AP3S1: variants seen among roughly 807,000 people sequenced by gnomAD.
The protein encoded by AP3S1 is AP-3 complex subunit sigma-1.
Under a neutral mutation model 21.3 loss-of-function variants are expected in AP3S1, and 12 were observed. That is an observed-to-expected ratio of 0.56 (90% CI 0.36 to 0.91). AP3S1 has a LOEUF of 0.91. AP3S1 is among the 40% of genes least tolerant of loss of function. AP3S1 has a pLI of 0.01. For synonymous variants in AP3S1, 48 were observed against 78.4 expected (o/e 0.61, Z 2.05); for missense variants, 116 against 225.0 (o/e 0.52, Z 3.10).
chr5:115,886,948 T>G (rs1749838910), intron 3 of AP3S1, among the ~76,000 whole-genome samples: 1 of 152,204 alleles, frequency 6.6e-6, no homozygotes, highest in South Asian at 2.1e-4. Context: ...AACATTGTCA[T>G]CACTGGCATG....
Position 115,881,337 on chromosome 5 carries a change from C to T in AP3S1, c.273+11209C>T, listed in dbSNP as rs572216613. On this transcript the variant is annotated intron_variant, in intron 3 of 5. Transcript: ENST00000316788. ...AGTATGTTTTTGCAATGGCTGGTACCGGTTTTTCCTTTCCATATTTAGTGC... is the reference window on the plus strand; with the variant it reads ...AGTATGTTTTTGCAATGGCTGGTACTGGTTTTTCCTTTCCATATTTAGTGC... 5.3e-5 allele frequency among the ~76,000 whole-genome samples: 8 copies of T among 152,194 alleles called. No individual in the cohort carries two copies. The East Asian group carries it at 5.8e-4, about 11-fold the overall frequency.
chr5:115,857,351 A>C (rs907321784), intron 1 of AP3S1, among the ~76,000 whole-genome samples: 3 of 152,220 alleles, frequency 2.0e-5, no homozygotes, highest in South Asian at 2.1e-4. Context: ...GTATGAACTC[A>C]GTTCTCACAA....
chr5:115,896,571 G>A (rs1750770317), intron 4 of AP3S1, among the ~76,000 whole-genome samples: 1 of 152,188 alleles, frequency 6.6e-6, no homozygotes, highest in Admixed American at 6.5e-5. Flanking sequence ...TTGAGCCCAG[G>A]AGTTTGAGGC....
intron 4 of AP3S1, among the ~76,000 whole-genome samples, chr5:115,897,054 T>G (rs1469926437): frequency 6.6e-6 from 1 of 152,208 alleles, no homozygotes; most frequent in Non-Finnish European, 1.5e-5. Context: ...CTATTTCTCA[T>G]TAGTATGCAT....
intron 1 of AP3S1, among the ~76,000 whole-genome samples, chr5:115,856,426 C>T (rs1762804957): frequency 7.0e-6 from 1 of 142,544 alleles, no homozygotes; most frequent in Non-Finnish European, 1.5e-5. Context: ...TTAATACATC[C>T]AGCATCTTTT....
At chr5:115,863,455 C>G (rs1042957532) in intron 1 of AP3S1, among the ~76,000 whole-genome samples, 5 of 151,896 alleles carry the variant, frequency 3.3e-5, no homozygotes, top group African/African-American at 1.2e-4. Flanking sequence ...AACCTGTAAT[C>G]CCAGCTACTC....
intron 2 of AP3S1, among the ~76,000 whole-genome samples, chr5:115,869,499 A>G (rs1293493044): frequency 6.6e-6 from 1 of 152,134 alleles, no homozygotes; most frequent in Non-Finnish European, 1.5e-5. Context: ...TCTTCCCTGA[A>G]CATACATACT....
At chr5:115,913,080 G>A (rs1423590857) in intron 5 of AP3S1, among the ~76,000 whole-genome samples, 1 of 152,092 alleles carries the variant, frequency 6.6e-6, no homozygotes, top group Non-Finnish European at 1.5e-5. Context: ...TGAAGATTTA[G>A]GTTTTATCAT....
chr5:115,852,191 A>AT (rs530936061), intron 1 of AP3S1, among the ~76,000 whole-genome samples: 85 of 151,814 alleles, frequency 5.6e-4, no homozygotes, highest in African/African-American at 1.8e-3. Flanking sequence ...CTTTTATTTT[A>AT]TTTTTTTTCC....
At chr5:115,898,944 T>A (rs1165874793) in intron 4 of AP3S1, among the ~76,000 whole-genome samples, 3 of 152,244 alleles carry the variant, frequency 2.0e-5, no homozygotes, top group Non-Finnish European at 4.4e-5. Context: ...GGCCCCGTGT[T>A]GTTGCCCATA....
chr5:115,875,145 T>A (rs1748590180), intron 3 of AP3S1, among the ~76,000 whole-genome samples: 2 of 152,354 alleles, frequency 1.3e-5, no homozygotes, highest in African/African-American at 4.8e-5. Context: ...AAATATGTTT[T>A]TTTTTAATCT....
intron 1 of AP3S1, among the ~76,000 whole-genome samples, chr5:115,865,777 A>G (rs748637992): frequency 6.6e-6 from 1 of 151,924 alleles, no homozygotes; most frequent in Non-Finnish European, 1.5e-5. Context: ...TCAGTCTTCT[A>G]TTGCAGTGTT....
At chr5:115,879,915 C>T (rs1303026127) in intron 3 of AP3S1, among the ~76,000 whole-genome samples, 2 of 152,130 alleles carry the variant, frequency 1.3e-5, no homozygotes, top group African/African-American at 4.8e-5. Context: ...GATTCGACTT[C>T]TTCCTGGTTT....
At chr5:115,894,014 A>G (rs1036220379) in intron 3 of AP3S1, among the ~76,000 whole-genome samples, 3 of 152,206 alleles carry the variant, frequency 2.0e-5, no homozygotes, top group Non-Finnish European at 4.4e-5. Flanking sequence ...GAAGGTTTGC[A>G]TCAGAGATCA....
chr5:115,844,692 G>A (rs1463506548), intron 1 of AP3S1, among the ~76,000 whole-genome samples: 1 of 152,110 alleles, frequency 6.6e-6, no homozygotes, highest in Admixed American at 6.5e-5. Context: ...CCATTGCCAC[G>A]TGTACAAATT....
intron 3 of AP3S1, among the ~76,000 whole-genome samples, chr5:115,890,007 G>A (rs985705098): frequency 2.0e-5 from 3 of 152,080 alleles, no homozygotes; most frequent in African/African-American, 7.2e-5. Flanking sequence ...ATAAGGTGGT[G>A]AAAAGGCTAT....
At chr5:115,887,062 A>C (rs1464033599) in intron 3 of AP3S1, among the ~76,000 whole-genome samples, 1 of 152,230 alleles carries the variant, frequency 6.6e-6, no homozygotes, top group African/African-American at 2.4e-5. Context: ...AAAGATTCTT[A>C]ATAGTACATG....
At chr5:115,855,119 C>G (rs1379800319) in intron 1 of AP3S1, among the ~76,000 whole-genome samples, 1 of 152,024 alleles carries the variant, frequency 6.6e-6, no homozygotes, top group Non-Finnish European at 1.5e-5. Flanking sequence ...TCACTGCAAC[C>G]TCCACCTCCT....
chr5:115,906,185 T>C (rs1364136325), intron 5 of AP3S1, among the ~76,000 whole-genome samples: 1 of 152,112 alleles, frequency 6.6e-6, no homozygotes, highest in Admixed American at 6.6e-5. Context: ...AAAAGACTTG[T>C]TTAAAATCGA....
Sources: gnomAD v4.1 joint callset for allele counts (sites outside exome capture counted in the v4.1 genomes callset) on GRCh38, gnomAD v4.1.1 for gene constraint, MANE v1.5 for transcripts, NCBI Gene and HGNC (gene_info 2026-07-23, HGNC 2026-07-21) for gene names.